Variants in RBM6 observed in about 807,000 individuals in gnomAD.
RBM6 encodes RNA-binding protein 6.
A neutral mutation model predicts 140.4 loss-of-function variants in RBM6; 23 were observed. The observed-to-expected ratio is 0.16, with a 90% CI of 0.12 to 0.23. The LOEUF (loss-of-function observed/expected upper bound fraction) is 0.23. Among genes scored for constraint, RBM6 ranks in the 10% least tolerant of loss-of-function variants. The pLI is 1.00. For synonymous variants in RBM6, 439 were observed against 475.6 expected (o/e 0.92, Z 1.00); for missense variants, 1,139 against 1,386.7 (o/e 0.82, Z 2.84).
chr3:49,960,579 G>A (rs2084236582), intron 1 of RBM6, among the ~76,000 whole-genome samples: 1 of 152,058 alleles, frequency 6.6e-6, no homozygotes, highest in South Asian at 2.1e-4. Context: ...GTGCTGTAGG[G>A]GTCATATTTA....
At chr3:49,951,272 G>A (rs2083716189) in intron 1 of RBM6, among the ~76,000 whole-genome samples, 1 of 152,054 alleles carries the variant, frequency 6.6e-6, no homozygotes, top group Non-Finnish European at 1.5e-5. Context: ...GAGTACAGTG[G>A]TGTGATCTTG....
rs781676277 is a variant in RBM6 at position 49,972,184 on chromosome 3, A to T, written c.1413+36A>T. ...TCTTCTCTCCTGTTTCTCTGTGTCA[A>T]TTAAAAATTAAAAAAACCTTTTAAT... is the stretch of plus-strand genomic sequence containing the variant. On this transcript the variant is annotated intron_variant, in intron 4 of 20. Coordinates refer to ENST00000266022, the MANE Select transcript of RBM6 (RefSeq NM_005777.3). 4.1e-6 allele frequency: 6 copies of T among 1,480,838 alleles called. No homozygotes were observed. In the African/African-American group the frequency reaches 8.5e-5, roughly 21 times the overall value. The allele number at this position is 1,480,838 out of a possible 1,614,324, so 91.7% of individuals were successfully genotyped here.
intron 15 of RBM6, among the ~76,000 whole-genome samples, chr3:50,064,224 C>T (rs1284983980): frequency 6.6e-6 from 1 of 152,148 alleles, no homozygotes; most frequent in Non-Finnish European, 1.5e-5. Context: ...AGCCACTGCG[C>T]CCAGCCTTTT....
intron 6 of RBM6, among the ~76,000 whole-genome samples, chr3:50,005,980 G>T (rs1192484863): frequency 6.6e-6 from 1 of 152,128 alleles, no homozygotes. Context: ...TCGCTCTCAA[G>T]AGAGTTGGGG....
intron 6 of RBM6, among the ~76,000 whole-genome samples, chr3:50,005,703 G>A (rs182554545): frequency 6.6e-6 from 1 of 152,280 alleles, no homozygotes; most frequent in Admixed American, 6.5e-5. Context: ...GAAGGTTGTA[G>A]TGTTACCTAA....
At chr3:50,054,423 T>TA (rs750489149) in intron 8 of RBM6, 28 bp downstream of exon 8, 5 of 1,567,176 alleles carry the variant, frequency 3.2e-6, no homozygotes, top group Non-Finnish European at 3.5e-6. Context: ...TAGCAGTTTT[T>TA]ATCTCGTGCA....
intron 6 of RBM6, among the ~76,000 whole-genome samples, chr3:50,034,617 C>T (rs965657592): frequency 5.9e-5 from 9 of 151,986 alleles, no homozygotes; most frequent in Admixed American, 1.3e-4. Context: ...AAAAGCTAGC[C>T]GGGTGTAGTA....
At chr3:50,020,532 G>A (rs1282553699) in intron 6 of RBM6, among the ~76,000 whole-genome samples, 3 of 152,004 alleles carry the variant, frequency 2.0e-5, no homozygotes, top group Non-Finnish European at 4.4e-5. Flanking sequence ...ACTGCTTTTT[G>A]TGTATCGCAC....
At chr3:49,969,535 T>C (rs1163199625) in intron 3 of RBM6, among the ~76,000 whole-genome samples, 2 of 149,198 alleles carry the variant, frequency 1.3e-5, no homozygotes, top group African/African-American at 4.9e-5. Context: ...CTTTTTTCTT[T>C]TATTCTTTTC....
chr3:49,971,329 C>T (rs2084783463), intron 3 of RBM6, among the ~76,000 whole-genome samples: 1 of 149,994 alleles, frequency 6.7e-6, no homozygotes, highest in Non-Finnish European at 1.5e-5. Flanking sequence ...CCTGTAATCC[C>T]AACTACTTGG....
intron 16 of RBM6, among the ~76,000 whole-genome samples, chr3:50,065,362 G>A (rs1229526262): frequency 6.6e-6 from 1 of 152,218 alleles, no homozygotes; most frequent in African/African-American, 2.4e-5. Context: ...TCTCTGCCCT[G>A]TGCCATTCTT....
Position 49,968,502 on chromosome 3 carries a change from C to T in RBM6, c.1077C>T (p.Asn359=), listed in dbSNP as rs1224561324. ...ATGAGTCTCCAGCAGACTTTCAGAA[C>T]AGCCAAAGTCCAGTTCAAGACCAAG... The part of the protein sequence containing the change: ...FEHESPADFQ[N]SQSPVQDQDK... The change falls in exon 3 of 21, where the codon AAC becomes AAT. Residue 359 remains asparagine, a synonymous_variant. Transcript: ENST00000266022. The T allele has an allele frequency of 1.2e-6, 2 of 1,614,096 alleles. No homozygotes were observed. The highest frequency in any genetic ancestry group is 1.7e-6 in the Non-Finnish European group (2 of 1,180,054).
In RBM6 at chr3:50,005,059, C is replaced by T. The variant is rs149397932; in HGVS notation, c.1557+5546C>T. Among the ~76,000 whole-genome samples the T allele has an allele frequency of 2.6e-5, 4 of 152,056 alleles. No homozygotes were observed. In the East Asian group the frequency reaches 7.7e-4, roughly 29 times the overall value. On this transcript the variant is annotated intron_variant, in intron 6 of 20. Coordinates refer to ENST00000266022, the MANE Select transcript of RBM6 (RefSeq NM_005777.3). ...TGTGAGGAATGAAAGCTGTGGAATA[C>T]GTGAAGTTTTATGAAATAGTGTTTT...
intron 3 of RBM6, among the ~76,000 whole-genome samples, chr3:49,969,286 G>C (rs1273247786): frequency 6.8e-6 from 1 of 146,368 alleles, no homozygotes; most frequent in African/African-American, 2.5e-5. Flanking sequence ...GCCTCCCAAA[G>C]TGCTGGAATT....
intron 6 of RBM6, among the ~76,000 whole-genome samples, chr3:50,017,725 ATT>A (rs1173073894): frequency 6.6e-6 from 1 of 151,990 alleles, no homozygotes; most frequent in African/African-American, 2.4e-5. Context: ...CAATCTGTGC[ATT>A]GTTTCTTCAC....
intron 6 of RBM6, among the ~76,000 whole-genome samples, chr3:50,016,686 T>C (rs1296505327): frequency 5.9e-5 from 9 of 152,122 alleles, no homozygotes; most frequent in Non-Finnish European, 1.2e-4. Flanking sequence ...GTTTGTTTGT[T>C]TGAGACAGTG....
intron 6 of RBM6, chr3:50,047,303 G>C: frequency 3.0e-6 from 3 of 985,410 alleles, no homozygotes; most frequent in Non-Finnish European, 3.6e-6. Context: ...CAGCGCAGGG[G>C]CTAGTTCCAG....
intron 3 of RBM6, among the ~76,000 whole-genome samples, chr3:49,971,136 C>G (rs1318379871): frequency 1.3e-5 from 2 of 151,758 alleles, no homozygotes; most frequent in Non-Finnish European, 2.9e-5. Context: ...CGTAGTGATG[C>G]ATGTGTGTAA....
At chr3:49,953,523 C>CTT (rs796386335) in intron 1 of RBM6, among the ~76,000 whole-genome samples, 41 of 131,088 alleles carry the variant, frequency 3.1e-4, no homozygotes, top group Non-Finnish European at 4.1e-4. Context: ...CGAACCTGGC[C>CTT]TTTTTTTTTT....
Sources: gnomAD v4.1 joint callset for allele counts (sites outside exome capture counted in the v4.1 genomes callset) on GRCh38, gnomAD v4.1.1 for gene constraint, MANE v1.5 for transcripts, NCBI Gene and HGNC (gene_info 2026-07-23, HGNC 2026-07-21) for gene names.